Variants in CNTN4 observed in about 807,000 individuals in gnomAD.
CNTN4 encodes contactin 4.
In CNTN4, 77 loss-of-function variants were observed where a neutral mutation model predicts 122.5. The observed-to-expected ratio is 0.63, with a 90% CI of 0.52 to 0.76. The LOEUF (loss-of-function observed/expected upper bound fraction) is 0.76. Among genes scored for constraint, CNTN4 ranks in the 30% least tolerant of loss-of-function variants. CNTN4 has a pLI of 0.00. For missense variants in CNTN4, 1,256 were observed against 1,259.1 expected (o/e 1.00, Z 0.04); for synonymous variants, 512 against 447.0 (o/e 1.15, Z -1.83).
chr3:2,267,779 A>G (rs1393317124), intron 2 of CNTN4, among the ~76,000 whole-genome samples: 1 of 152,084 alleles, frequency 6.6e-6, no homozygotes, highest in Non-Finnish European at 1.5e-5. Context: ...TGAAAAAATG[A>G]CACTTTATTG....
chr3:2,597,163 G>C (rs139452500), intron 4 of CNTN4, among the ~76,000 whole-genome samples: 1 of 152,066 alleles, frequency 6.6e-6, no homozygotes, highest in Non-Finnish European at 1.5e-5. Flanking sequence ...CATTTCCAAG[G>C]CACCTGCATT....
At chr3:2,350,890 A>C (rs894136326) in intron 3 of CNTN4, among the ~76,000 whole-genome samples, 1 of 152,188 alleles carries the variant, frequency 6.6e-6, no homozygotes, top group Non-Finnish European at 1.5e-5. Context: ...TTCATGTTTG[A>C]AGCCATTTGC....
chr3:2,963,245 A>G (rs2094879974), intron 13 of CNTN4, among the ~76,000 whole-genome samples: 1 of 152,104 alleles, frequency 6.6e-6, no homozygotes, highest in East Asian at 1.9e-4. Flanking sequence ...CCTAGTTAAC[A>G]CTTCCTTTTC....
chr3:2,671,278 T>G (rs1050915306), intron 4 of CNTN4, among the ~76,000 whole-genome samples: 1 of 152,218 alleles, frequency 6.6e-6, no homozygotes, highest in East Asian at 1.9e-4. Flanking sequence ...TCTTGGAGGC[T>G]TTGTTCATTT....
chr3:2,119,888 A>G (rs2033606195), intron 2 of CNTN4, among the ~76,000 whole-genome samples: 1 of 152,198 alleles, frequency 6.6e-6, no homozygotes, highest in Non-Finnish European at 1.5e-5. Flanking sequence ...TATAAACTGT[A>G]TAGGGGCTCT....
intron 13 of CNTN4, among the ~76,000 whole-genome samples, chr3:2,959,099 C>T (rs369357320): frequency 1.1e-4 from 16 of 152,234 alleles, no homozygotes; most frequent in African/African-American, 1.9e-4. Context: ...TTTCCCCAGA[C>T]GGTGCTAAGT....
intron 6 of CNTN4, among the ~76,000 whole-genome samples, chr3:2,769,399 A>G (rs1390977255): frequency 6.7e-6 from 1 of 149,008 alleles, no homozygotes; most frequent in East Asian, 2.0e-4. Context: ...CGGGAGGCAG[A>G]GGTTGCCATG....
intron 4 of CNTN4, among the ~76,000 whole-genome samples, chr3:2,734,637 A>T (rs1222838169): frequency 7.1e-6 from 1 of 141,032 alleles, no homozygotes; most frequent in African/African-American, 2.5e-5. Context: ...TTTCAACCTT[A>T]GCATGAAGTG....
intron 7 of CNTN4, among the ~76,000 whole-genome samples, chr3:2,827,207 T>A (rs899738711): frequency 2.6e-5 from 4 of 152,098 alleles, no homozygotes; most frequent in Admixed American, 2.6e-4. Flanking sequence ...CCCTCTACTT[T>A]CTCTCATTAC....
intron 3 of CNTN4, among the ~76,000 whole-genome samples, chr3:2,355,564 C>T (rs2044834369): frequency 6.6e-6 from 1 of 152,166 alleles, no homozygotes; most frequent in Admixed American, 6.5e-5. Flanking sequence ...GACCCTGTGG[C>T]ACTTAGCATT....
At chr3:2,853,527 G>T (rs1208834119) in intron 7 of CNTN4, among the ~76,000 whole-genome samples, 2 of 152,188 alleles carry the variant, frequency 1.3e-5, no homozygotes, top group African/African-American at 4.8e-5. Context: ...GCAGCCATGA[G>T]CTACTGTGTC....
intron 2 of CNTN4, among the ~76,000 whole-genome samples, chr3:2,256,122 C>T (rs1411174195): frequency 2.6e-5 from 4 of 152,034 alleles, no homozygotes; most frequent in African/African-American, 7.3e-5. Flanking sequence ...ACCACTGATC[C>T]CATAGAAATG....
intron 4 of CNTN4, among the ~76,000 whole-genome samples, chr3:2,592,866 G>A (rs1214529985): frequency 4.6e-5 from 7 of 152,178 alleles, no homozygotes; most frequent in Admixed American, 4.6e-4. Context: ...TGCTCACATA[G>A]ATGTTAGGAA....
chr3:2,986,502 A>G (rs1694589484), intron 13 of CNTN4, among the ~76,000 whole-genome samples: 1 of 152,230 alleles, frequency 6.6e-6, no homozygotes, highest in African/African-American at 2.4e-5. Context: ...AGACTGAGTC[A>G]TAGATCTGGA....
intron 3 of CNTN4, among the ~76,000 whole-genome samples, chr3:2,512,042 A>T (rs1048224064): frequency 6.6e-6 from 1 of 152,164 alleles, no homozygotes; most frequent in Non-Finnish European, 1.5e-5. Context: ...TAAAACTAAT[A>T]TATATATAAA....
intron 12 of CNTN4, among the ~76,000 whole-genome samples, chr3:2,923,554 T>G (rs1050826700): frequency 6.6e-6 from 1 of 152,210 alleles, no homozygotes; most frequent in African/African-American, 2.4e-5. Flanking sequence ...TGATTCCCAT[T>G]CATGCCACAT....
chr3:2,747,088 A>G (rs1238097921), intron 6 of CNTN4, among the ~76,000 whole-genome samples: 1 of 128,048 alleles, frequency 7.8e-6, no homozygotes, highest in Non-Finnish European at 1.6e-5. Context: ...ACACAGTATA[A>G]CACCAAAAAA....
chr3:2,259,459 GT>G (rs2040732833), intron 2 of CNTN4, among the ~76,000 whole-genome samples: 2 of 152,248 alleles, frequency 1.3e-5, no homozygotes, highest in Admixed American at 1.3e-4. Flanking sequence ...GCATTAGTCC[GT>G]TTTCACGCTG....
chr3:2,584,725 T>TA (rs1181667589), intron 4 of CNTN4, among the ~76,000 whole-genome samples: 1 of 109,970 alleles, frequency 9.1e-6, no homozygotes, highest in Non-Finnish European at 2.0e-5. Context: ...AAAAAAAGAA[T>TA]AAAAAAAAGG....
Sources: allele counts gnomAD v4.1 joint callset (sites outside exome capture counted in the v4.1 genomes callset), GRCh38; gene constraint gnomAD v4.1.1; transcripts MANE v1.5; gene names NCBI Gene and HGNC (gene_info 2026-07-23, HGNC 2026-07-21).